The following MTIF2 variants were observed in gnomAD, a reference collection of about 807,000 sequenced individuals.
The protein encoded by MTIF2 is mitochondrial translational initiation factor 2.
In MTIF2, 71 loss-of-function variants were observed where a neutral mutation model predicts 83.5. The observed-to-expected ratio is 0.85, with a 90% confidence interval of 0.70 to 1.04. MTIF2 has a LOEUF of 1.04. Among genes scored for constraint, MTIF2 ranks in the 50% least tolerant of loss-of-function variants. MTIF2 has a pLI of 0.00. For synonymous variants in MTIF2, 319 were observed against 287.1 expected (o/e 1.11, Z -1.12); for missense variants, 957 against 846.5 (o/e 1.13, Z -1.62).
intron 7 of MTIF2, 84 bp downstream of exon 7, chr2:55,253,957 A>G: frequency 7.0e-7 from 1 of 1,419,092 alleles, no homozygotes; most frequent in Non-Finnish European, 9.6e-7. Flanking sequence ...TGTACTTTGA[A>G]TTTGTATATT....
chr2:55,267,404 C>T (rs572723035), intron 3 of MTIF2, among the ~76,000 whole-genome samples, 165 bp downstream of exon 3: 1 of 152,154 alleles, frequency 6.6e-6, no homozygotes, highest in Non-Finnish European at 1.5e-5. Context: ...GGTGATCTAT[C>T]CGCCTTGGCC....
chr2:55,236,969 G>T, intron 15 of MTIF2, 149 bp from the exon 16 acceptor site: 3 of 678,712 alleles, frequency 4.4e-6, no homozygotes, highest in South Asian at 5.7e-5. Flanking sequence ...TAAATACCAG[G>T]GGAACCCCCT....
chr2:55,238,429 T>G (rs1256066459), intron 14 of MTIF2, among the ~76,000 whole-genome samples: 1 of 147,506 alleles, frequency 6.8e-6, no homozygotes, highest in Non-Finnish European at 1.5e-5. Context: ...TCGCTCTTGT[T>G]GCCCAGGCTG....
chr2:55,255,324 T>G (rs1373673212), intron 5 of MTIF2, among the ~76,000 whole-genome samples: 1 of 149,348 alleles, frequency 6.7e-6, no homozygotes, highest in Middle Eastern at 3.3e-3. Flanking sequence ...TCACATTTCA[T>G]CAACTGATCA....
intron 4 of MTIF2, among the ~76,000 whole-genome samples, chr2:55,263,060 A>G (rs921180374): frequency 4.6e-5 from 7 of 152,060 alleles, no homozygotes; most frequent in African/African-American, 1.4e-4. Context: ...ATGGGGTTTC[A>G]CCATGTTGGC....
chr2:55,240,229 T>G lies in MTIF2; in HGVS notation c.1706-54A>C. 14 of 1,429,302 alleles carry G rather than the reference T, an allele frequency of 9.8e-6. No homozygotes were observed. The South Asian group carries it at 1.8e-4, about 19-fold the overall frequency. 88.5% of individuals were successfully genotyped at this position (1,429,302 alleles called of 1,614,324 possible). On this transcript the variant is annotated intron_variant, in intron 13 of 15. Coordinates refer to ENST00000263629, the MANE Select transcript of MTIF2 (RefSeq NM_002453.3). ...TAGCACAACGATTACATTATAATCATTTATTTGTCTTTCAAGCAGAAACTT... is the reference window on the plus strand; with the variant it reads ...TAGCACAACGATTACATTATAATCAGTTATTTGTCTTTCAAGCAGAAACTT...
At chr2:55,248,510 T>C (rs1676861269) in intron 9 of MTIF2, among the ~76,000 whole-genome samples, 1 of 152,042 alleles carries the variant, frequency 6.6e-6, no homozygotes, top group African/African-American at 2.4e-5. Flanking sequence ...AAAAAGGAAA[T>C]TGTCACTTAG....
intron 3 of MTIF2, among the ~76,000 whole-genome samples, chr2:55,266,763 C>CTT (rs1216777992): frequency 2.0e-3 from 172 of 86,252 alleles, no homozygotes; most frequent in African/African-American, 3.6e-3. Flanking sequence ...ACATTTCATT[C>CTT]TTTTTTTTTT....
chr2:55,259,121 T>C (rs1677767522), intron 5 of MTIF2, among the ~76,000 whole-genome samples: 1 of 152,338 alleles, frequency 6.6e-6, no homozygotes. Flanking sequence ...TAAATGCATA[T>C]GGTATTAACA....
chr2:55,242,831 C>G, intron 13 of MTIF2, 109 bp downstream of exon 13: 1 of 1,111,486 alleles, frequency 9.0e-7, no homozygotes. Flanking sequence ...AAGGGTGATG[C>G]TGATAGCAGT....
rs749031375 is a variant in MTIF2 at position 55,244,025 on chromosome 2, A to T, written c.1311+4T>A. The T allele has an allele frequency of 6.2e-6, 10 of 1,610,914 alleles. No individual in the cohort carries two copies. Among genetic ancestry groups the T allele is most frequent in the Non-Finnish European group, 7.6e-6 (9 of 1,177,794 alleles). On this transcript the variant is annotated splice_donor_region_variant and intron_variant, in intron 11 of 15. Transcript: ENST00000263629. ...CTAATATATAGGAATTAAGCTTGAT[A>T]CACCTCAGATTCTACTTCAAGAATT... is the stretch of plus-strand genomic sequence containing the variant.
chr2:55,264,294 T>A (rs573864809), intron 3 of MTIF2, among the ~76,000 whole-genome samples: 1 of 152,324 alleles, frequency 6.6e-6, no homozygotes, highest in East Asian at 1.9e-4. Context: ...TGCAGTGGTA[T>A]GGTCACAGCT....
chr2:55,249,051 A>G (rs944064747), intron 9 of MTIF2, among the ~76,000 whole-genome samples: 7 of 152,172 alleles, frequency 4.6e-5, no homozygotes, highest in Admixed American at 3.9e-4. Context: ...AGGTGGGAGG[A>G]CAACTTGAGC....
chr2:55,253,145 T>C (rs978967656), intron 7 of MTIF2, among the ~76,000 whole-genome samples: 3 of 152,166 alleles, frequency 2.0e-5, no homozygotes, highest in African/African-American at 7.2e-5. Context: ...TCGGCTTCCT[T>C]ATTTGTAAGT....
chr2:55,242,767 A>G (rs1469563612), intron 13 of MTIF2, among the ~76,000 whole-genome samples, 173 bp downstream of exon 13: 1 of 152,226 alleles, frequency 6.6e-6, no homozygotes, highest in East Asian at 1.9e-4. Flanking sequence ...TATAGCCACA[A>G]TACTGCACAT....
intron 3 of MTIF2, among the ~76,000 whole-genome samples, chr2:55,267,280 C>T (rs929565972): frequency 8.6e-5 from 13 of 152,032 alleles, no homozygotes; most frequent in Non-Finnish European, 1.5e-4. Flanking sequence ...CCTCAGCCTC[C>T]CAAGTCGCTG....
intron 5 of MTIF2, among the ~76,000 whole-genome samples, chr2:55,257,650 G>A (rs1039950878): frequency 6.6e-5 from 10 of 152,160 alleles, no homozygotes; most frequent in Non-Finnish European, 1.3e-4. Context: ...CACCATGGTT[G>A]ATTACAAGCT....
chr2:55,254,818 T>C lies in MTIF2; in HGVS notation c.339A>G (p.Val113=), dbSNP rs987800070. ...ARAMEKNTDY[V]YEALLNTDID... is the part of the protein sequence containing the mutation. ...TATCAGTGTTCAATAAAGCTTCATA[T>C]ACATAATCTGATTGGAATAAAATAA... is the stretch of plus-strand genomic sequence containing the variant. The change falls in exon 6 of 16, where the codon GTA becomes GTG. Residue 113 remains valine, a synonymous_variant. Transcript: ENST00000263629. The C allele has an allele frequency of 4.5e-6, 7 of 1,567,716 alleles. No homozygotes were observed. In the Admixed American group the frequency reaches 8.0e-5, roughly 18 times the overall value.
Position 55,263,546 on chromosome 2 carries a change from G to A in MTIF2, c.219+94C>T, listed in dbSNP as rs543825003. ...AATTGCTTAAACCCAAGAGGCGTAG[G>A]TTGCGGTGAGCTGAGATCGCGCCAC... On this transcript the variant is annotated intron_variant, in intron 4 of 15. Coordinates refer to ENST00000263629, the MANE Select transcript of MTIF2 (RefSeq NM_002453.3). 644 of 922,946 alleles carry A rather than the reference G, an allele frequency of 7.0e-4. 1 individual carries two copies. Among genetic ancestry groups the A allele is most frequent in the Middle Eastern group, 1.1e-3 (4 of 3,578 alleles). 57.2% of individuals were successfully genotyped at this position (922,946 alleles called of 1,614,324 possible).
Sources: gnomAD v4.1 joint callset for allele counts (sites outside exome capture counted in the v4.1 genomes callset) on GRCh38, gnomAD v4.1.1 for gene constraint, MANE v1.5 for transcripts, NCBI Gene and HGNC (gene_info 2026-07-23, HGNC 2026-07-21) for gene names.